The following SMOC2 variants were observed in gnomAD, a reference collection of about 807,000 sequenced individuals.
SMOC2 encodes SPARC-related modular calcium-binding protein 2.
In SMOC2, 39 loss-of-function variants were observed where a neutral mutation model predicts 61.4. That is an observed-to-expected ratio of 0.64 (90% CI 0.49 to 0.83). The LOEUF (loss-of-function observed/expected upper bound fraction) is 0.83, where lower values mean the gene tolerates loss of function less well. SMOC2 is among the 40% of genes least tolerant of loss of function. SMOC2 has a pLI of 0.00. For missense variants in SMOC2, 556 were observed against 592.9 expected, an observed-to-expected ratio of 0.94 and a Z score of 0.65; for synonymous variants, 247 against 239.9, an observed-to-expected ratio of 1.03 and a Z score of -0.27.
chr6:168,558,945 ATG>A (rs1562347038), intron 7 of SMOC2, among the ~76,000 whole-genome samples: 2 of 151,632 alleles, frequency 1.3e-5, no homozygotes, highest in East Asian at 3.9e-4. Flanking sequence ...GTGCGTGTGC[ATG>A]CGTGTGCATG....
chr6:168,518,843 G>A (rs1271020168), intron 2 of SMOC2, among the ~76,000 whole-genome samples: 4 of 148,448 alleles, frequency 2.7e-5, no homozygotes, highest in African/African-American at 7.8e-5. Context: ...GTGTGCATGC[G>A]TGTGTGTGCC....
chr6:168,474,547 G>A (rs1029858260), intron 1 of SMOC2, among the ~76,000 whole-genome samples: 2 of 152,076 alleles, frequency 1.3e-5, no homozygotes, highest in African/African-American at 2.4e-5. Flanking sequence ...CAGTAATGCC[G>A]CTATGTCCCT....
At chr6:168,648,991 C>T (rs547442694) in intron 9 of SMOC2, among the ~76,000 whole-genome samples, 24 of 152,300 alleles carry the variant, frequency 1.6e-4, no homozygotes, top group African/African-American at 4.3e-4. Context: ...TCCACGCCAA[C>T]GTGCCCTCGA....
At chr6:168,665,023 T>A (rs1212510189) in intron 12 of SMOC2, 1 of 300,634 alleles carries the variant, frequency 3.3e-6, no homozygotes, top group Non-Finnish European at 6.5e-6. Context: ...GAAAGATGTG[T>A]GATATGCTTT....
At chr6:168,540,898 AC>A (rs1245157077) in intron 4 of SMOC2, among the ~76,000 whole-genome samples, 1 of 152,050 alleles carries the variant, frequency 6.6e-6, no homozygotes, top group African/African-American at 2.4e-5. Context: ...CACCCCTCTC[AC>A]GTCTGTGCCG....
intron 2 of SMOC2, among the ~76,000 whole-genome samples, chr6:168,511,122 A>C (rs1293641244): frequency 6.6e-6 from 1 of 152,240 alleles, no homozygotes. Flanking sequence ...TGAAAAGATA[A>C]GTATATAAAT....
chr6:168,566,598 T>C (rs1334176457), intron 7 of SMOC2, among the ~76,000 whole-genome samples: 1 of 150,720 alleles, frequency 6.6e-6, no homozygotes, highest in East Asian at 2.0e-4. Flanking sequence ...TTCTCCTGCC[T>C]CAGCCTCCGA....
chr6:168,549,328 C>A, intron 7 of SMOC2, 125 bp downstream of exon 7: 1 of 766,782 alleles, frequency 1.3e-6, no homozygotes, highest in South Asian at 1.7e-5. Flanking sequence ...GTGAGGGGTG[C>A]AGACCTGGCA....
chr6:168,443,757 T>C (rs1310879255), intron 1 of SMOC2, among the ~76,000 whole-genome samples: 2 of 152,204 alleles, frequency 1.3e-5, no homozygotes, highest in Admixed American at 6.5e-5. Context: ...GGGCCTTCTC[T>C]CCCTACGATT....
intron 7 of SMOC2, among the ~76,000 whole-genome samples, chr6:168,584,967 A>G (rs376058969): frequency 2.0e-5 from 3 of 152,010 alleles, no homozygotes; most frequent in East Asian, 3.9e-4. Context: ...CATACATTAC[A>G]TTTTTTTAAA....
chr6:168,495,044 C>G (rs1782553757), intron 1 of SMOC2, among the ~76,000 whole-genome samples: 1 of 152,250 alleles, frequency 6.6e-6, no homozygotes, highest in South Asian at 2.1e-4. Flanking sequence ...CCGCAGGGAA[C>G]CTGCTCACAC....
intron 7 of SMOC2, among the ~76,000 whole-genome samples, chr6:168,585,316 C>T (rs920100221): frequency 6.6e-6 from 1 of 152,164 alleles, no homozygotes; most frequent in African/African-American, 2.4e-5. Context: ...ATAAGTACCC[C>T]TTTGTTCCTG....
Position 168,535,567 on chromosome 6 carries a change from G to A in SMOC2, c.463+7840G>A, listed in dbSNP as rs9456172. Reference sequence around the variant, plus strand: ...AAATCAGGAATCCCAACTGTTTAAAGGCAGAATCACTAGGATAGAAAAAGA... The same window carrying A: ...AAATCAGGAATCCCAACTGTTTAAAAGCAGAATCACTAGGATAGAAAAAGA... On this transcript the variant is annotated intron_variant, in intron 4 of 12. Transcript: ENST00000356284. The surrounding 1 kb of genome is among the most constrained non-coding windows in gnomAD (Gnocchi z 4.6). 6.6e-6 allele frequency among the ~76,000 whole-genome samples: 1 copy of A among 152,108 alleles called. No individual in the cohort carries two copies. The highest frequency in any genetic ancestry group is 1.5e-5 in the Non-Finnish European group (1 of 68,026).
chr6:168,574,895 T>A (rs550312281), intron 7 of SMOC2, among the ~76,000 whole-genome samples: 121 of 152,232 alleles, frequency 7.9e-4, no homozygotes, highest in African/African-American at 2.7e-3. Context: ...CAGAACAAAA[T>A]GTTGCCTTAT....
intron 9 of SMOC2, among the ~76,000 whole-genome samples, chr6:168,619,781 G>C (rs763312112): frequency 5.3e-5 from 8 of 152,240 alleles, no homozygotes; most frequent in Non-Finnish European, 1.2e-4. Context: ...AGTGAGGCCA[G>C]TCCGGACAGA....
chr6:168,521,245 T>C (rs1332645379), intron 2 of SMOC2, among the ~76,000 whole-genome samples: 3 of 152,068 alleles, frequency 2.0e-5, no homozygotes, highest in Non-Finnish European at 2.9e-5. Flanking sequence ...ACCTCCCAGG[T>C]TCATGTGATT....
intron 1 of SMOC2, among the ~76,000 whole-genome samples, chr6:168,446,661 TG>T (rs1781339582): frequency 6.6e-6 from 1 of 152,226 alleles, no homozygotes; most frequent in Admixed American, 6.5e-5. Flanking sequence ...TAATTTCCTA[TG>T]GGCTAAAAAG....
intron 7 of SMOC2, among the ~76,000 whole-genome samples, chr6:168,552,258 C>T (rs1784144801): frequency 6.6e-6 from 1 of 152,114 alleles, no homozygotes; most frequent in Non-Finnish European, 1.5e-5. Flanking sequence ...ATTGAAATTT[C>T]AAATATCAGA....
chr6:168,513,891 C>T (rs916167293), intron 2 of SMOC2, among the ~76,000 whole-genome samples: 4 of 152,188 alleles, frequency 2.6e-5, no homozygotes, highest in Admixed American at 1.3e-4. Flanking sequence ...AACGGTTTCA[C>T]GTGAGATTTT....
Sources: allele counts gnomAD v4.1 joint callset (sites outside exome capture counted in the v4.1 genomes callset), GRCh38; gene constraint gnomAD v4.1.1; non-coding constraint Gnocchi (gnomAD v3.1); transcripts MANE v1.5; gene names NCBI Gene and HGNC (gene_info 2026-07-23, HGNC 2026-07-21).